GABRB2: variants seen among roughly 807,000 people sequenced by gnomAD.
GABRB2 encodes gamma-aminobutyric acid receptor subunit beta-2.
In GABRB2, 16 loss-of-function variants were observed where a neutral mutation model predicts 54.7. The observed-to-expected ratio is 0.29, with a 90% CI of 0.20 to 0.44. The LOEUF is 0.44. Ranked by LOEUF, GABRB2 falls within the 20% of genes least tolerant of loss-of-function variation. GABRB2 has a pLI of 1.00. For synonymous variants in GABRB2, 244 were observed against 233.8 expected, an observed-to-expected ratio of 1.04 and a Z score of -0.40; for missense variants, 355 against 644.0, an observed-to-expected ratio of 0.55 and a Z score of 4.86.
At position 161,290,514 on chromosome 5, in the gene GABRB2, G is replaced by T. The variant is rs1274712743; in HGVS notation, c.*3567C>A. 2 of 152,474 alleles carry T rather than the reference G, an allele frequency of 1.3e-5. No individual in the cohort carries two copies. The highest frequency in any genetic ancestry group is 2.9e-5 in the Non-Finnish European group (2 of 67,984). The allele number at this position is 152,474 out of a possible 1,614,324, so 9.4% of individuals were successfully genotyped here. A position where few individuals can be genotyped will look rare whatever the true frequency, so the allele number is the denominator to read the frequency against. ...TACCCTGTATTACTTATTTCAGTAT[G>T]TTGATTTTTGTTTGCCAAATTAAAA... On this transcript the variant is annotated 3_prime_UTR_variant, in exon 10 of 10. Coordinates refer to ENST00000393959, the MANE Select transcript of GABRB2 (RefSeq NM_001371727.1).
intron 4 of GABRB2, among the ~76,000 whole-genome samples, chr5:161,423,511 A>G (rs1321576991): frequency 1.3e-5 from 2 of 152,122 alleles, no homozygotes; most frequent in African/African-American, 4.8e-5. Context: ...TGTCTGTCAC[A>G]GTCATCTGTG....
At chr5:161,541,986 A>G (rs554770967) in intron 3 of GABRB2, among the ~76,000 whole-genome samples, 30 of 152,108 alleles carry the variant, frequency 2.0e-4, no homozygotes, top group African/African-American at 7.2e-4. Flanking sequence ...GAGATGTGCA[A>G]CTCTCATTGT....
At chr5:161,382,458 T>C (rs1298382096) in intron 5 of GABRB2, among the ~76,000 whole-genome samples, 1 of 152,170 alleles carries the variant, frequency 6.6e-6, no homozygotes, top group Non-Finnish European at 1.5e-5. Flanking sequence ...TTTATCTGGA[T>C]CAGCCTTTAA....
intron 5 of GABRB2, among the ~76,000 whole-genome samples, chr5:161,385,340 A>G (rs1561631470): frequency 6.6e-6 from 1 of 152,188 alleles, no homozygotes; most frequent in Non-Finnish European, 1.5e-5. Flanking sequence ...TTTTTGCAGC[A>G]AATTTCTCTC....
At chr5:161,528,601 G>A (rs1760357232) in intron 3 of GABRB2, among the ~76,000 whole-genome samples, 1 of 151,636 alleles carries the variant, frequency 6.6e-6, no homozygotes, top group Non-Finnish European at 1.5e-5. Context: ...GACCTTTTCA[G>A]AATAATTACA....
At chr5:161,389,095 A>T (rs754801464) in intron 5 of GABRB2, among the ~76,000 whole-genome samples, 1 of 152,036 alleles carries the variant, frequency 6.6e-6, no homozygotes, top group South Asian at 2.1e-4. Context: ...AATATTGATT[A>T]CTTACCTATA....
intron 8 of GABRB2, among the ~76,000 whole-genome samples, chr5:161,327,840 G>T (rs1168100734): frequency 6.9e-6 from 1 of 145,936 alleles, no homozygotes; most frequent in Non-Finnish European, 1.5e-5. Flanking sequence ...GATTATAAGT[G>T]CTTGATCTTG....
chr5:161,399,844 G>C (rs539937747), intron 5 of GABRB2, among the ~76,000 whole-genome samples: 63 of 152,194 alleles, frequency 4.1e-4, no homozygotes, highest in Non-Finnish European at 6.5e-4. Context: ...TACTATAAGA[G>C]GGTTGGGTGA....
At chr5:161,499,625 A>C (rs978861830) in intron 3 of GABRB2, among the ~76,000 whole-genome samples, 1 of 152,172 alleles carries the variant, frequency 6.6e-6, no homozygotes, top group Non-Finnish European at 1.5e-5. Context: ...AACTAAACAA[A>C]ACTAAAATAC....
chr5:161,297,894 CACT>C (rs1478704555), intron 9 of GABRB2, among the ~76,000 whole-genome samples: 2 of 152,170 alleles, frequency 1.3e-5, no homozygotes, highest in African/African-American at 4.8e-5. Context: ...TTTACACTCC[CACT>C]AACAGTGTAA....
chr5:161,342,996 T>C (rs1264066608), intron 5 of GABRB2, among the ~76,000 whole-genome samples: 2 of 152,040 alleles, frequency 1.3e-5, no homozygotes, highest in Non-Finnish European at 2.9e-5. Context: ...ATCCACTCCA[T>C]GCAGAGGCCT....
intron 5 of GABRB2, among the ~76,000 whole-genome samples, chr5:161,370,491 G>A (rs939914093): frequency 2.6e-5 from 4 of 152,126 alleles, no homozygotes; most frequent in Admixed American, 2.6e-4. Flanking sequence ...ATGTGCCAGG[G>A]GCTTTGTGGC....
At chr5:161,441,534 A>G (rs1757465073) in intron 4 of GABRB2, among the ~76,000 whole-genome samples, 2 of 152,214 alleles carry the variant, frequency 1.3e-5, no homozygotes, top group Non-Finnish European at 2.9e-5. Context: ...ACCACTATGG[A>G]GAACAGTTTG....
intron 3 of GABRB2, among the ~76,000 whole-genome samples, chr5:161,532,245 G>A (rs1046111588): frequency 4.6e-5 from 7 of 151,988 alleles, no homozygotes; most frequent in East Asian, 1.9e-4. Flanking sequence ...CTATGTATAC[G>A]TGTAGCATAT....
At chr5:161,387,946 T>G (rs1755697555) in intron 5 of GABRB2, among the ~76,000 whole-genome samples, 1 of 152,118 alleles carries the variant, frequency 6.6e-6, no homozygotes. Context: ...CTTATAAAAC[T>G]GGCTCACAAA....
intron 5 of GABRB2, among the ~76,000 whole-genome samples, chr5:161,342,262 T>A (rs752150851): frequency 1.3e-5 from 2 of 151,930 alleles, no homozygotes; most frequent in East Asian, 3.9e-4. Flanking sequence ...CATCACAGCA[T>A]TTTATGTGTA....
In GABRB2 at chr5:161,290,564, G is replaced by T. The variant is rs1386701347; in HGVS notation, c.*3517C>A. 1 of 152,378 alleles carries T rather than the reference G, an allele frequency of 6.6e-6. No individual in the cohort carries two copies. Among genetic ancestry groups the T allele is most frequent in the African/African-American group, 2.4e-5 (1 of 41,390 alleles). 9.4% of individuals were successfully genotyped at this position (152,378 alleles called of 1,614,324 possible). A position where few individuals can be genotyped will look rare whatever the true frequency, so the allele number is the denominator to read the frequency against. The stretch of plus-strand genomic sequence containing the variant: ...AATACTCATATACTGGTTTAATGAA[G>T]GAAATAAAACATATTAGCTTATTCC... On this transcript the variant is annotated 3_prime_UTR_variant, in exon 10 of 10. Coordinates refer to ENST00000393959, the MANE Select transcript of GABRB2 (RefSeq NM_001371727.1).
At chr5:161,506,238 T>A (rs1036528008) in intron 3 of GABRB2, among the ~76,000 whole-genome samples, 3 of 151,924 alleles carry the variant, frequency 2.0e-5, no homozygotes, top group Admixed American at 1.3e-4. Flanking sequence ...TATACAAACA[T>A]TTAGGAGATA....
intron 3 of GABRB2, among the ~76,000 whole-genome samples, chr5:161,514,254 C>A (rs2113412082): frequency 6.6e-6 from 1 of 152,200 alleles, no homozygotes; most frequent in Middle Eastern, 3.4e-3. Context: ...TTCTTCACAG[C>A]CCAGCTTAAA....
Sources: allele counts gnomAD v4.1 joint callset (sites outside exome capture counted in the v4.1 genomes callset), GRCh38; gene constraint gnomAD v4.1.1; transcripts MANE v1.5; gene names NCBI Gene and HGNC (gene_info 2026-07-23, HGNC 2026-07-21).